Variants in PRSS23 observed in about 807,000 individuals in gnomAD.
PRSS23 encodes the protein serine protease 23.
In PRSS23, 25 loss-of-function variants were observed where a neutral mutation model predicts 34.7. The ratio of observed to expected loss-of-function variants is 0.72; its 90% CI spans 0.53 to 1.01. The LOEUF is 1.01. Ranked by LOEUF, PRSS23 falls within the 50% of genes least tolerant of loss-of-function variation. The pLI is 0.00. For synonymous variants in PRSS23, 176 were observed against 186.6 expected, an observed-to-expected ratio of 0.94 and a Z score of 0.46; for missense variants, 445 against 475.6, an observed-to-expected ratio of 0.94 and a Z score of 0.60.
chr11:86,826,101 C>T (rs1565357160), intron 2 of PRSS23, among the ~76,000 whole-genome samples: 1 of 152,052 alleles, frequency 6.6e-6, no homozygotes, highest in Admixed American at 6.6e-5. Flanking sequence ...ATTGATTCTT[C>T]CTACCCATGA....
chr11:86,849,490 C>T (rs1313213550), intron 2 of PRSS23, among the ~76,000 whole-genome samples: 1 of 152,112 alleles, frequency 6.6e-6, no homozygotes, highest in Non-Finnish European at 1.5e-5. Flanking sequence ...CAAAGAATGC[C>T]CATCCAATTC....
chr11:86,844,770 G>A (rs1006348509), intron 2 of PRSS23, among the ~76,000 whole-genome samples: 1 of 152,210 alleles, frequency 6.6e-6, no homozygotes, highest in Non-Finnish European at 1.5e-5. Flanking sequence ...GTTGCTGGAA[G>A]GGATGAAAGA....
upstream of PRSS23, chr11:86,800,427 C>G: frequency 1.0e-6 from 1 of 981,728 alleles, no homozygotes; most frequent in Non-Finnish European, 1.2e-6. Flanking sequence ...GGTTTATGTG[C>G]AGTGGGGCGG....
chr11:86,899,685 T>C (rs1000594631), intron 2 of PRSS23, among the ~76,000 whole-genome samples: 7 of 152,036 alleles, frequency 4.6e-5, no homozygotes, highest in Non-Finnish European at 1.0e-4. Context: ...TGGCTAATTT[T>C]TTTCTATTTT....
At chr11:86,804,791 C>T (rs561619296) in intron 1 of PRSS23, among the ~76,000 whole-genome samples, 4 of 152,114 alleles carry the variant, frequency 2.6e-5, no homozygotes, top group Non-Finnish European at 4.4e-5. Context: ...TACATTTGAT[C>T]CTCTATATTG....
chr11:86,864,822 C>T (rs1180260400), intron 2 of PRSS23, among the ~76,000 whole-genome samples: 1 of 152,154 alleles, frequency 6.6e-6, no homozygotes, highest in Non-Finnish European at 1.5e-5. Flanking sequence ...TGGATGGTGG[C>T]CCTGTCCTTC....
intron 2 of PRSS23, among the ~76,000 whole-genome samples, chr11:86,928,158 A>T (rs570732335): frequency 6.1e-5 from 9 of 148,300 alleles, no homozygotes; most frequent in African/African-American, 2.2e-4. Context: ...ATTATACATA[A>T]ATATATGTAT....
chr11:86,897,265 T>C (rs1302081132), intron 2 of PRSS23, among the ~76,000 whole-genome samples: 3 of 152,206 alleles, frequency 2.0e-5, no homozygotes, highest in African/African-American at 7.2e-5. Context: ...AAGTGCTTTT[T>C]TTATTTTAAA....
rs1421995285 is a variant in PRSS23 at position 86,833,206 on chromosome 11, A to G, written c.206+9613A>G. ...GGAGATGACTCTGCTGTGAGATTGG[A>G]TGTCCACAATCATCTTGGGGACCGT... On this transcript the variant is annotated intron_variant, in intron 2 of 2. Coordinates refer to the PRSS23 transcript ENST00000533902. 17 of 1,323,182 alleles carry G rather than the reference A, an allele frequency of 1.3e-5. No individual in the cohort carries two copies. The South Asian group carries it at 2.0e-4, about 16-fold the overall frequency. The allele number at this position is 1,323,182 out of a possible 1,614,324, so 82.0% of individuals were successfully genotyped here.
intron 2 of PRSS23, among the ~76,000 whole-genome samples, chr11:86,868,059 G>A (rs576467940): frequency 6.8e-6 from 1 of 146,922 alleles, no homozygotes; most frequent in African/African-American, 2.5e-5. Flanking sequence ...CAAGCCAAAG[G>A]CCAAGGAGGA....
intron 2 of PRSS23, among the ~76,000 whole-genome samples, chr11:86,837,920 A>G (rs1948419053): frequency 6.6e-6 from 1 of 152,196 alleles, no homozygotes; most frequent in African/African-American, 2.4e-5. Flanking sequence ...GGTTCTTCTC[A>G]TTGGGACTGC....
At chr11:86,858,686 A>C (rs1378512837) in intron 2 of PRSS23, among the ~76,000 whole-genome samples, 2 of 151,668 alleles carry the variant, frequency 1.3e-5, no homozygotes, top group African/African-American at 4.9e-5. Flanking sequence ...AGTGGGCGAC[A>C]GGATGATATT....
At chr11:86,854,769 C>CT (rs1948556217) in intron 2 of PRSS23, among the ~76,000 whole-genome samples, 1 of 152,214 alleles carries the variant, frequency 6.6e-6, no homozygotes, top group South Asian at 2.1e-4. Context: ...GAAAAGTATG[C>CT]TTTTCCACCA....
At chr11:86,853,933 T>C (rs1365419424) in intron 2 of PRSS23, among the ~76,000 whole-genome samples, 1 of 152,196 alleles carries the variant, frequency 6.6e-6, no homozygotes, top group Non-Finnish European at 1.5e-5. Context: ...ATCACATTGT[T>C]GGTTTGATTT....
At chr11:86,792,505 C>A (rs1370720869) in intron 1 of PRSS23, among the ~76,000 whole-genome samples, 2 of 152,124 alleles carry the variant, frequency 1.3e-5, no homozygotes, top group African/African-American at 4.8e-5. Flanking sequence ...TCATTTGAAC[C>A]AATGTGCTAT....
intron 2 of PRSS23, among the ~76,000 whole-genome samples, chr11:86,838,898 A>G (rs577123347): frequency 1.5e-4 from 23 of 152,362 alleles, no homozygotes; most frequent in African/African-American, 5.1e-4. Context: ...CCTGACTGTT[A>G]GAAGGAAAAC....
At chr11:86,897,296 C>T (rs7128832) in intron 2 of PRSS23, among the ~76,000 whole-genome samples, 28,467 of 152,020 alleles carry the variant, frequency 0.19, 3,300 homozygotes, top group African/African-American at 0.33. Flanking sequence ...AGAGACAGGG[C>T]CTCACTATAT....
intron 2 of PRSS23, among the ~76,000 whole-genome samples, chr11:86,878,216 C>G (rs572675261): frequency 1.5e-4 from 22 of 150,518 alleles, no homozygotes; most frequent in Middle Eastern, 3.4e-3. Flanking sequence ...CTCCCTCTCC[C>G]TCCCCCTACC....
chr11:86,880,209 G>T (rs958053376), intron 2 of PRSS23, among the ~76,000 whole-genome samples: 7 of 152,018 alleles, frequency 4.6e-5, no homozygotes, highest in Non-Finnish European at 1.0e-4. Flanking sequence ...ATTAAGGGCG[G>T]TGTAAGATGT....
Sources: allele counts gnomAD v4.1 joint callset (sites outside exome capture counted in the v4.1 genomes callset), GRCh38; gene constraint gnomAD v4.1.1; transcripts MANE v1.5; gene names NCBI Gene and HGNC (gene_info 2026-07-23, HGNC 2026-07-21).